Variants in SYN2 observed in about 807,000 individuals in gnomAD.
The protein encoded by SYN2 is synapsin-2.
SYN2 carries 19 observed loss-of-function variants against 50.9 expected under a neutral mutation model. The ratio of observed to expected loss-of-function variants is 0.37; its 90% CI spans 0.26 to 0.55. SYN2 has a LOEUF of 0.55. Among genes scored for constraint, SYN2 ranks in the 20% least tolerant of loss-of-function variants. The probability of loss-of-function intolerance (pLI) is 0.81; values close to 1 mark genes in which losing one functional copy is unlikely to be tolerated. For missense variants in SYN2, 587 were observed against 576.4 expected, an observed-to-expected ratio of 1.02 and a Z score of -0.19; for synonymous variants, 255 against 224.9, an observed-to-expected ratio of 1.13 and a Z score of -1.20.
At chr3:12,106,650 A>T (rs1696195839) in intron 1 of SYN2, among the ~76,000 whole-genome samples, 1 of 152,200 alleles carries the variant, frequency 6.6e-6, no homozygotes, top group Non-Finnish European at 1.5e-5. Context: ...AGTCTCTAGC[A>T]TAGTATATCA....
At position 12,052,977 on chromosome 3, in the gene SYN2, C is replaced by T. The variant is rs1315352502; in HGVS notation, c.377+48049C>T. 6.8e-4 allele frequency among the ~76,000 whole-genome samples: 104 copies of T among 152,238 alleles called. 1 individual carries two copies. Among genetic ancestry groups the T allele is most frequent in the Non-Finnish European group, 1.8e-4 (12 of 68,008 alleles). ...CCTTTTTGTTTTTTGACATAATTTC[C>T]ATACATGTTGTTTCATTTTACCTTT... On this transcript the variant is annotated intron_variant, in intron 1 of 12. Coordinates refer to ENST00000621198, the MANE Select transcript of SYN2 (RefSeq NM_133625.6).
At chr3:12,093,899 C>T (rs1329684663) in intron 1 of SYN2, among the ~76,000 whole-genome samples, 1 of 150,820 alleles carries the variant, frequency 6.6e-6, no homozygotes. Flanking sequence ...CTCTGTTGCC[C>T]AGGCTAGAGT....
intron 1 of SYN2, among the ~76,000 whole-genome samples, chr3:12,065,396 A>G (rs1695195029): frequency 6.6e-6 from 1 of 152,194 alleles, no homozygotes; most frequent in African/African-American, 2.4e-5. Context: ...AAAAAAACAC[A>G]TGCACTTATA....
chr3:12,051,185 A>G (rs1694853176), intron 1 of SYN2, among the ~76,000 whole-genome samples: 1 of 151,958 alleles, frequency 6.6e-6, no homozygotes, highest in Non-Finnish European at 1.5e-5. Flanking sequence ...GTAACAATGG[A>G]CCTATTATGA....
At chr3:12,075,386 G>A (rs996437822) in intron 1 of SYN2, among the ~76,000 whole-genome samples, 4 of 152,156 alleles carry the variant, frequency 2.6e-5, no homozygotes, top group East Asian at 3.9e-4. Context: ...ATAATATAAT[G>A]AGAAATCTGT....
intron 4 of SYN2, 56 bp from the exon 5 acceptor site, chr3:12,151,181 T>G: frequency 8.0e-7 from 1 of 1,244,094 alleles, no homozygotes. Context: ...AGTTGATGTT[T>G]CATCTGTTTC....
intron 1 of SYN2, among the ~76,000 whole-genome samples, chr3:12,009,415 T>TA (rs1191345447): frequency 6.6e-6 from 1 of 152,124 alleles, no homozygotes; most frequent in Non-Finnish European, 1.5e-5. Flanking sequence ...TTCCATCCCT[T>TA]ACTATCTCAA....
Position 12,004,421 on chromosome 3 carries a change from G to A in SYN2, c.-131G>A. On this transcript the variant is annotated 5_prime_UTR_variant, in exon 1 of 13. Transcript: ENST00000621198. ...GCTGCTGTCTGCGGGGTCTGGTGCC[G>A]GGGCCTGAGTCTCTGCTGGCTAAGC... The A allele has an allele frequency of 4.5e-6, 1 of 221,310 alleles. No individual in the cohort carries two copies. Among genetic ancestry groups the A allele is most frequent in the Non-Finnish European group, 9.2e-6 (1 of 108,928 alleles). 13.7% of individuals were successfully genotyped at this position (221,310 alleles called of 1,614,324 possible). A position where few individuals can be genotyped will look rare whatever the true frequency, so the allele number is the denominator to read the frequency against.
At chr3:12,141,174 A>G (rs1479265186) in intron 2 of SYN2, among the ~76,000 whole-genome samples, 1 of 151,582 alleles carries the variant, frequency 6.6e-6, no homozygotes, top group Non-Finnish European at 1.5e-5. Context: ...CCTTGTTTTA[A>G]TACAGTGAAT....
chr3:12,026,985 A>G (rs17035708), intron 1 of SYN2, among the ~76,000 whole-genome samples: 11,990 of 152,156 alleles, frequency 0.079, 1,563 homozygotes, highest in African/African-American at 0.27. Flanking sequence ...TAATTGTCTC[A>G]GGGTGTTGGA....
At chr3:12,168,628 C>G (rs142567238) in intron 9 of SYN2, 150 bp downstream of exon 9, 3 of 659,620 alleles carry the variant, frequency 4.5e-6, no homozygotes, top group East Asian at 5.6e-5. Flanking sequence ...GCTAGGCTGA[C>G]CCACGCCATG....
chr3:12,107,942 G>A (rs1696231605), intron 1 of SYN2, among the ~76,000 whole-genome samples: 1 of 152,170 alleles, frequency 6.6e-6, no homozygotes, highest in African/African-American at 2.4e-5. Context: ...CGTGCATGGT[G>A]GTTTATGCCT....
chr3:12,167,656 A>C (rs574376227), intron 8 of SYN2, among the ~76,000 whole-genome samples: 1 of 152,056 alleles, frequency 6.6e-6, no homozygotes, highest in Non-Finnish European at 1.5e-5. Context: ...GCAACACAAA[A>C]CAGACTAATC....
chr3:12,128,771 C>T lies in SYN2; in HGVS notation c.378-11880C>T, dbSNP rs537374379. ...AATGCTCTCCATTTCAAAGAACTCACGCAGGAAAGTTTTTTTTAACCCAGT... is the reference window on the plus strand; with the variant it reads ...AATGCTCTCCATTTCAAAGAACTCATGCAGGAAAGTTTTTTTTAACCCAGT... On this transcript the variant is annotated intron_variant, in intron 1 of 12. Transcript: ENST00000621198. 3.3e-5 allele frequency among the ~76,000 whole-genome samples: 5 copies of T among 152,030 alleles called. No homozygotes were observed. The South Asian group carries it at 6.2e-4, about 19-fold the overall frequency.
chr3:12,054,001 A>G (rs909986069), intron 1 of SYN2, among the ~76,000 whole-genome samples: 2 of 152,170 alleles, frequency 1.3e-5, no homozygotes, highest in South Asian at 2.1e-4. Flanking sequence ...GTGCAATCCC[A>G]GGGCAGCAAG....
chr3:12,158,415 C>A lies in SYN2; in HGVS notation c.775-3131C>A, dbSNP rs139955754. Among the ~76,000 whole-genome samples the A allele has an allele frequency of 1.4e-4, 22 of 152,268 alleles. 1 individual carries two copies. Among genetic ancestry groups the A allele is most frequent in the Admixed American group, 3.3e-4 (5 of 15,300 alleles). ...GTTCAGAATAATCATCAGATAGCTC[C>A]GGTGACACCTTGTGTAATGACACTC... is the stretch of plus-strand genomic sequence containing the variant. On this transcript the variant is annotated intron_variant, in intron 5 of 12. Transcript: ENST00000621198.
intron 7 of SYN2, 84 bp downstream of exon 7, chr3:12,162,238 A>C (rs1697672004): frequency 3.3e-6 from 5 of 1,529,528 alleles, no homozygotes; most frequent in Non-Finnish European, 3.5e-6. Flanking sequence ...CAGATAACAG[A>C]GAGGGTGCCA....
intron 10 of SYN2, among the ~76,000 whole-genome samples, chr3:12,179,608 A>G (rs732863): frequency 0.05 from 7,639 of 152,236 alleles, 673 homozygotes; most frequent in African/African-American, 0.17. Context: ...AGGTGCTTCC[A>G]TGGTTACCTC....
At chr3:12,186,960 C>A (rs1277178847) in intron 11 of SYN2, among the ~76,000 whole-genome samples, 2 of 152,168 alleles carry the variant, frequency 1.3e-5, no homozygotes, top group African/African-American at 2.4e-5. Context: ...GTGCTCTCTC[C>A]ACCACACTCT....
Sources: gnomAD v4.1 joint callset for allele counts (sites outside exome capture counted in the v4.1 genomes callset) on GRCh38, gnomAD v4.1.1 for gene constraint, MANE v1.5 for transcripts, NCBI Gene and HGNC (gene_info 2026-07-23, HGNC 2026-07-21) for gene names.